GUCA1C: variants seen among roughly 807,000 people sequenced by gnomAD.
GUCA1C encodes guanylyl cyclase-activating protein 3.
Under a neutral mutation model 16.2 loss-of-function variants are expected in GUCA1C, and 15 were observed. The ratio of observed to expected loss-of-function variants is 0.93; its 90% confidence interval spans 0.62 to 1.43. The LOEUF is 1.43. Ranked by LOEUF, GUCA1C falls within the 40% of genes most tolerant of loss-of-function variation. The pLI, the probability that GUCA1C is intolerant of heterozygous loss-of-function variation, is 0.00. For missense variants in GUCA1C, 275 were observed against 244.8 expected, an observed-to-expected ratio of 1.12 and a Z score of -0.82; for synonymous variants, 78 against 85.4, an observed-to-expected ratio of 0.91 and a Z score of 0.48.
At chr3:108,927,350 C>T (rs1056324364) in intron 1 of GUCA1C, among the ~76,000 whole-genome samples, 1 of 152,048 alleles carries the variant, frequency 6.6e-6, no homozygotes, top group African/African-American at 2.4e-5. Context: ...TTCTCTTCTT[C>T]CTCAGGAACC....
chr3:108,916,304 G>T lies in GUCA1C; in HGVS notation c.355-90C>A, dbSNP rs1357245823. 2.3e-6 allele frequency: 3 copies of T among 1,294,172 alleles called. No individual in the cohort carries two copies. The African/African-American group carries it at 4.4e-5, about 19-fold the overall frequency. 80.2% of individuals were successfully genotyped at this position (1,294,172 alleles called of 1,614,324 possible). On this transcript the variant is annotated intron_variant, in intron 2 of 3. Coordinates refer to ENST00000261047, the MANE Select transcript of GUCA1C (RefSeq NM_005459.4). ...CTGCTCCGATGTGACAGAATTTGGG[G>T]ATGTGTTGTCGGTTGCTATCCAACC...
At chr3:108,945,539 T>C (rs1328763959) in intron 1 of GUCA1C, among the ~76,000 whole-genome samples, 13 of 152,226 alleles carry the variant, frequency 8.5e-5, no homozygotes, top group Non-Finnish European at 1.3e-4. Flanking sequence ...TTGTAGAAAC[T>C]AAGGAACTTG....
chr3:108,925,105 A>T (rs1576548438), intron 1 of GUCA1C, among the ~76,000 whole-genome samples: 1 of 147,882 alleles, frequency 6.8e-6, no homozygotes, highest in Non-Finnish European at 1.5e-5. Flanking sequence ...TACCTTTTGT[A>T]TTTTTTTTTT....
intron 1 of GUCA1C, among the ~76,000 whole-genome samples, chr3:108,929,782 T>C (rs1415829958): frequency 6.6e-6 from 1 of 152,180 alleles, no homozygotes; most frequent in East Asian, 1.9e-4. Flanking sequence ...CAATTTTTAA[T>C]AGAAGGAAAA....
At chr3:108,950,136 T>C (rs1946883827) in intron 1 of GUCA1C, among the ~76,000 whole-genome samples, 1 of 152,188 alleles carries the variant, frequency 6.6e-6, no homozygotes. Flanking sequence ...GTGAGGTTGA[T>C]TATGCATTAC....
intron 1 of GUCA1C, among the ~76,000 whole-genome samples, chr3:108,925,360 A>G (rs1281291482): frequency 6.6e-6 from 1 of 152,182 alleles, no homozygotes; most frequent in East Asian, 1.9e-4. Context: ...TTAAATTTCC[A>G]TCTTAATCTC....
At chr3:108,920,369 T>A in intron 2 of GUCA1C, 67 bp downstream of exon 2, 1 of 1,198,912 alleles carries the variant, frequency 8.3e-7, no homozygotes, top group Non-Finnish European at 1.2e-6. Context: ...TGTTACCTAC[T>A]CCATAGGAAG....
In GUCA1C at chr3:108,920,537, T is replaced by C. The variant is rs6804162; in HGVS notation, c.253A>G (p.Met85Val). ...LEFIAAVNLI[M>V]QEKMEQKLKW... The stretch of plus-strand genomic sequence containing the variant: ...AATTTTTGCTCCATTTTTTCTTGCA[T>C]GATTAGATTTACAGCAGCAATAAAC... Residue 85 changes from methionine (M) to valine (V), a missense_variant, in exon 2 of 4, where the codon ATG becomes GTG. By Grantham distance (21) the Met-to-Val change is conservative. Coordinates refer to ENST00000261047, the MANE Select transcript of GUCA1C (RefSeq NM_005459.4). The C allele has an allele frequency of 0.35, 543,155 of 1,558,878 alleles. 97,424 individuals are homozygous for C. The highest frequency in any genetic ancestry group is 0.4 in the African/African-American group (29,659 of 73,718).
At chr3:108,912,752 C>T (rs4855574) in intron 3 of GUCA1C, among the ~76,000 whole-genome samples, 144,383 of 151,240 alleles carry the variant, frequency 0.95, 68,936 homozygotes, top group East Asian at 0.97. Context: ...TTCCTATAGA[C>T]AGAATTGCAT....
At chr3:108,937,266 AG>A (rs1946735896) in intron 1 of GUCA1C, among the ~76,000 whole-genome samples, 1 of 152,168 alleles carries the variant, frequency 6.6e-6, no homozygotes, top group Non-Finnish European at 1.5e-5. Flanking sequence ...ATTATAGGCC[AG>A]ACTAATTCTT....
chr3:108,926,911 T>TA (rs1462297777), intron 1 of GUCA1C, among the ~76,000 whole-genome samples: 2 of 152,206 alleles, frequency 1.3e-5, no homozygotes, highest in Middle Eastern at 3.2e-3. Flanking sequence ...GCAGTTCTTG[T>TA]AGTGCTAGCT....
At chr3:108,952,242 G>A (rs1946902273) in intron 1 of GUCA1C, among the ~76,000 whole-genome samples, 1 of 152,162 alleles carries the variant, frequency 6.6e-6, no homozygotes, top group Non-Finnish European at 1.5e-5. Context: ...CACAGGGAGA[G>A]GCAAATAAAG....
intron 1 of GUCA1C, among the ~76,000 whole-genome samples, chr3:108,927,020 T>A (rs1186143289): frequency 6.6e-6 from 1 of 152,216 alleles, no homozygotes; most frequent in Non-Finnish European, 1.5e-5. Flanking sequence ...AATTCTTGGC[T>A]GATAATTGCT....
At chr3:108,950,879 A>T (rs754634913) in intron 1 of GUCA1C, among the ~76,000 whole-genome samples, 3 of 152,328 alleles carry the variant, frequency 2.0e-5, no homozygotes, top group Non-Finnish European at 2.9e-5. Context: ...ACATTAGGAA[A>T]CAGCTCCAGA....
intron 1 of GUCA1C, among the ~76,000 whole-genome samples, chr3:108,937,027 A>G (rs1332819595): frequency 6.6e-6 from 1 of 152,062 alleles, no homozygotes; most frequent in Non-Finnish European, 1.5e-5. Flanking sequence ...AACTTTCAGC[A>G]CCCCATAGAC....
chr3:108,924,970 G>A (rs577961655), intron 1 of GUCA1C, among the ~76,000 whole-genome samples: 292 of 152,066 alleles, frequency 1.9e-3, no homozygotes, highest in African/African-American at 6.7e-3. Flanking sequence ...GGTATCGGTT[G>A]TAATATCTCC....
At chr3:108,942,640 T>C (rs994726199) in intron 1 of GUCA1C, among the ~76,000 whole-genome samples, 1 of 152,188 alleles carries the variant, frequency 6.6e-6, no homozygotes, top group Non-Finnish European at 1.5e-5. Context: ...TATTACCAGG[T>C]TTAAAAGCAG....
At position 108,916,187 on chromosome 3, in the gene GUCA1C, T is replaced by C; in HGVS notation, c.382A>G (p.Thr128Ala). Residue 128 changes from threonine to alanine, a missense_variant, in exon 3 of 4, where the codon ACT becomes GCT. Coordinates refer to ENST00000261047, the MANE Select transcript of GUCA1C (RefSeq NM_005459.4). ...TTGATGAATTCTTCAGGACTCAGAGTTTGCTGGCCATTGAGGGCTTGTACC... is the reference window on the plus strand; with the variant it reads ...TTGATGAATTCTTCAGGACTCAGAGCTTGCTGGCCATTGAGGGCTTGTACC... ...MAVQALNGQQ[T>A]LSPEEFINLV... 6.2e-7 allele frequency: 1 copy of C among 1,613,614 alleles called. No homozygotes were observed. Among genetic ancestry groups the C allele is most frequent in the Non-Finnish European group, 8.5e-7 (1 of 1,179,844 alleles).
intron 1 of GUCA1C, among the ~76,000 whole-genome samples, chr3:108,946,059 G>A (rs1052442203): frequency 2.6e-5 from 4 of 152,118 alleles, no homozygotes; most frequent in East Asian, 1.9e-4. Flanking sequence ...TGAAGGATTC[G>A]CCAGCACACT....
Sources: gnomAD v4.1 joint callset for allele counts (sites outside exome capture counted in the v4.1 genomes callset) on GRCh38, gnomAD v4.1.1 for gene constraint, MANE v1.5 for transcripts, NCBI Gene and HGNC (gene_info 2026-07-23, HGNC 2026-07-21) for gene names.